The following NECTIN1 variants were observed in gnomAD, a reference collection of about 807,000 sequenced individuals.
NECTIN1 encodes the protein nectin-1.
NECTIN1 carries 23 observed loss-of-function variants against 48.0 expected under a neutral mutation model. The ratio of observed to expected loss-of-function variants is 0.48; its 90% CI spans 0.34 to 0.68. The LOEUF is 0.68. NECTIN1 is among the 30% of genes least tolerant of loss of function. NECTIN1 has a pLI of 0.01. For missense variants in NECTIN1, 591 were observed against 709.9 expected, an observed-to-expected ratio of 0.83 and a Z score of 1.90; for synonymous variants, 270 against 288.9, an observed-to-expected ratio of 0.93 and a Z score of 0.66.
intron 5 of NECTIN1, among the ~76,000 whole-genome samples, chr11:119,643,306 G>T (rs893738947): frequency 6.6e-6 from 1 of 152,228 alleles, no homozygotes; most frequent in African/African-American, 2.4e-5. Context: ...GGCATGCAAG[G>T]CACTGTGCCA....
At position 119,678,229 on chromosome 11, in the gene NECTIN1, C is replaced by G. The variant is rs941631162; in HGVS notation, c.430+186G>C. 6.6e-6 allele frequency among the ~76,000 whole-genome samples: 1 copy of G among 152,214 alleles called. No individual in the cohort carries two copies. The highest frequency in any genetic ancestry group is 2.4e-5 in the African/African-American group (1 of 41,460). Reference sequence around the variant, plus strand: ...TTCCCCACTGTCTAGAGATAAGCCCCTGCCCCTAATCCCTAGTGAATTGTG... The same window carrying G: ...TTCCCCACTGTCTAGAGATAAGCCCGTGCCCCTAATCCCTAGTGAATTGTG... On this transcript the variant is annotated intron_variant, in intron 2 of 5. Transcript: ENST00000264025. The surrounding 1 kb of genome is among the most constrained non-coding windows in gnomAD (Gnocchi z 4.4).
At chr11:119,687,064 C>T (rs950155238) in intron 1 of NECTIN1, among the ~76,000 whole-genome samples, 1 of 152,152 alleles carries the variant, frequency 6.6e-6, no homozygotes, top group East Asian at 1.9e-4. Context: ...GGCCTCACAC[C>T]TGCATGGAAG....
At chr11:119,705,942 G>A (rs1865541424) in intron 1 of NECTIN1, among the ~76,000 whole-genome samples, 1 of 152,078 alleles carries the variant, frequency 6.6e-6, no homozygotes, top group Non-Finnish European at 1.5e-5. Context: ...TCCCATCCTG[G>A]GCCTGAGAGG....
intron 1 of NECTIN1, among the ~76,000 whole-genome samples, chr11:119,691,451 A>C (rs1461916721): frequency 3.3e-5 from 5 of 152,172 alleles, no homozygotes; most frequent in Admixed American, 3.3e-4. Context: ...GGTTTTGGGG[A>C]GAGGCCAGCT....
chr11:119,679,434 G>A (rs987060497), intron 1 of NECTIN1, among the ~76,000 whole-genome samples: 1 of 152,124 alleles, frequency 6.6e-6, no homozygotes, highest in Non-Finnish European at 1.5e-5. Context: ...GCACTAGCTG[G>A]GCCCCTCTTA....
chr11:119,728,838 C>G lies in NECTIN1; in HGVS notation c.-285G>C. 1 of 347,372 alleles carries G rather than the reference C, an allele frequency of 2.9e-6. No individual in the cohort carries two copies. The highest frequency in any genetic ancestry group is 5.2e-6 in the Non-Finnish European group (1 of 193,232). The allele number at this position is 347,372 out of a possible 1,614,324, so 21.5% of individuals were successfully genotyped here. On this transcript the variant is annotated 5_prime_UTR_variant, in exon 1 of 6. Transcript: ENST00000264025. ...TCTCCTCCCGGCGCCGGTCCCCGCCCTCTTCTTCCACGCAGAGCGGGGCTG... is the reference window on the plus strand; with the variant it reads ...TCTCCTCCCGGCGCCGGTCCCCGCCGTCTTCTTCCACGCAGAGCGGGGCTG...
rs1181129460 is a variant in NECTIN1 at position 119,729,136 on chromosome 11, C to T, written c.-583G>A. 1 of 151,828 alleles carries T rather than the reference C, an allele frequency of 6.6e-6. No individual in the cohort carries two copies. Among genetic ancestry groups the T allele is most frequent in the Non-Finnish European group, 1.5e-5 (1 of 67,898 alleles). 9.4% of individuals were successfully genotyped at this position (151,828 alleles called of 1,614,324 possible). A position where few individuals can be genotyped will look rare whatever the true frequency, so the allele number is the denominator to read the frequency against. ...GAGGCGCCGCGCGTCCCAGCCGCCGCCGCTCTGCCGGGTGCCGGCGATCCG... is the reference window on the plus strand; with the variant it reads ...GAGGCGCCGCGCGTCCCAGCCGCCGTCGCTCTGCCGGGTGCCGGCGATCCG... On this transcript the variant is annotated 5_prime_UTR_variant, in exon 1 of 6. Transcript: ENST00000264025.
At position 119,672,587 on chromosome 11, in the gene NECTIN1, C is replaced by T. The variant is rs563290729; in HGVS notation, c.1003+2572G>A. Among the ~76,000 whole-genome samples the T allele has an allele frequency of 3.3e-5, 5 of 152,298 alleles. No homozygotes were observed. The highest frequency in any genetic ancestry group is 2.1e-4 in the South Asian group (1 of 4,824). On this transcript the variant is annotated intron_variant, in intron 5 of 5. Transcript: ENST00000264025. The surrounding 1 kb of genome is among the most constrained non-coding windows in gnomAD (Gnocchi z 4.3). ...ACTCACTCATGGTGGCAGCTCCTAA[C>T]GGGTGTGCCGGTGCCATCCACACAG...
chr11:119,656,419 A>T (rs1864575070), downstream of NECTIN1: 1 of 152,234 alleles, frequency 6.6e-6, no homozygotes, highest in South Asian at 2.1e-4. Context: ...ATTAAAAAAG[A>T]AAAAGACAAG....
Position 119,665,083 on chromosome 11 carries a change from G to A in NECTIN1, c.1218C>T (p.Pro406=), listed in dbSNP as rs372070347. 7.4e-6 allele frequency: 12 copies of A among 1,613,928 alleles called. No homozygotes were observed. The highest frequency in any genetic ancestry group is 1.3e-5 in the African/African-American group (1 of 74,908). Residue 406 remains proline, a synonymous_variant, in exon 6 of 6, where the codon CCC becomes CCT. Coordinates refer to ENST00000264025, the MANE Select transcript of NECTIN1 (RefSeq NM_002855.5). This position sits in a 1 kb window ranked among gnomAD's most constrained non-coding sequence, Gnocchi z 5.1. ...YGNGYSKAGI[P]QHHPPMAQNL... ...TCTGTGCCATTGGTGGGTGGTGCTG[G>A]GGGATGCCTGCCTTGCTGTAGCCGT...
At chr11:119,674,337 G>T in intron 5 of NECTIN1, 1 of 1,391,246 alleles carries the variant, frequency 7.2e-7, no homozygotes, top group South Asian at 1.5e-5. Flanking sequence ...ACCCCTGTGT[G>T]GACTTGTTTT....
At chr11:119,674,147 G>A (rs755001728) in intron 5 of NECTIN1, among the ~76,000 whole-genome samples, 1 of 152,192 alleles carries the variant, frequency 6.6e-6, no homozygotes, top group Non-Finnish European at 1.5e-5. Context: ...CAGTGGCTTT[G>A]TGGCCGGAGC....
At chr11:119,712,591 G>A (rs1331749129) in intron 1 of NECTIN1, among the ~76,000 whole-genome samples, 4 of 152,180 alleles carry the variant, frequency 2.6e-5, no homozygotes, top group African/African-American at 9.6e-5. Context: ...AAAAAAAAAG[G>A]GGAAGGAGGC....
intron 1 of NECTIN1, among the ~76,000 whole-genome samples, chr11:119,705,665 C>T (rs141160984): frequency 1.2e-3 from 185 of 152,348 alleles, no homozygotes; most frequent in African/African-American, 4.4e-3. Context: ...AGGCCACGAG[C>T]AGAGGGATGA....
intron 5 of NECTIN1, among the ~76,000 whole-genome samples, chr11:119,649,531 T>C (rs1864459944): frequency 1.3e-5 from 2 of 149,166 alleles, no homozygotes; most frequent in Non-Finnish European, 3.0e-5. Context: ...CTACTAAAAA[T>C]ACAAAAAAAT....
intron 1 of NECTIN1, among the ~76,000 whole-genome samples, chr11:119,685,038 C>T (rs1865132044): frequency 6.6e-6 from 1 of 152,206 alleles, no homozygotes; most frequent in Non-Finnish European, 1.5e-5. Flanking sequence ...TGTCCTGGTG[C>T]TCCAGCCACC....
rs902056366 is a variant in NECTIN1 at position 119,729,063 on chromosome 11, G to A, written c.-510C>T. 6.6e-6 allele frequency: 1 copy of A among 150,886 alleles called. No homozygotes were observed. The highest frequency in any genetic ancestry group is 2.4e-5 in the African/African-American group (1 of 41,184). The allele number at this position is 150,886 out of a possible 1,614,324, so 9.3% of individuals were successfully genotyped here. On this transcript the variant is annotated 5_prime_UTR_variant, in exon 1 of 6. Coordinates refer to ENST00000264025, the MANE Select transcript of NECTIN1 (RefSeq NM_002855.5). The stretch of plus-strand genomic sequence containing the variant: ...GCGGGCGCGGGGCTCGGCGGTCGGC[G>A]GCCCGGGTGGCTCTGGCTGCGCGGC...
At chr11:119,691,891 G>C (rs1171889042) in intron 1 of NECTIN1, among the ~76,000 whole-genome samples, 1 of 152,134 alleles carries the variant, frequency 6.6e-6, no homozygotes, top group Non-Finnish European at 1.5e-5. Flanking sequence ...TTTCTCAGCA[G>C]CACTGAAATC....
chr11:119,666,649 G>A (rs897619986), intron 5 of NECTIN1, among the ~76,000 whole-genome samples: 10 of 152,248 alleles, frequency 6.6e-5, no homozygotes, highest in East Asian at 1.9e-4. Context: ...GACCTCAGCC[G>A]CTCAGGCCCT....
Sources: gnomAD v4.1 joint callset for allele counts (sites outside exome capture counted in the v4.1 genomes callset) on GRCh38, gnomAD v4.1.1 for gene constraint, Gnocchi (gnomAD v3.1) non-coding constraint, MANE v1.5 for transcripts, NCBI Gene and HGNC (gene_info 2026-07-23, HGNC 2026-07-21) for gene names.